ACTN4: variants seen among roughly 807,000 people sequenced by gnomAD.
ACTN4 encodes the protein alpha-actinin-4.
ACTN4 carries 18 observed loss-of-function variants against 114.2 expected under a neutral mutation model. The observed-to-expected ratio is 0.16, with a 90% CI of 0.11 to 0.23. The LOEUF is 0.23. Among genes scored for constraint, ACTN4 ranks in the 10% least tolerant of loss-of-function variants. The pLI is 1.00. For missense variants in ACTN4, 722 were observed against 1,262.9 expected (o/e 0.57, Z 6.49); for synonymous variants, 515 against 506.3 (o/e 1.02, Z -0.23).
intron 11 of ACTN4, among the ~76,000 whole-genome samples, chr19:38,719,494 A>G (rs1968962879): frequency 6.6e-6 from 1 of 152,212 alleles, no homozygotes; most frequent in African/African-American, 2.4e-5. Context: ...CTTTGCTACC[A>G]GGAAAGAGTG....
In ACTN4 at chr19:38,729,125, G is replaced by T; in HGVS notation, c.2548G>T (p.Ala850Ser). Residue 850 changes from alanine to serine, a missense_variant, in exon 20 of 21, where the codon GCT becomes TCT. Transcript: ENST00000252699. ...CACGGACACGGCTGACCAGGTCATC[G>T]CTTCCTTCAAGGTCTTAGCAGGGGA... ...TDTDTADQVI[A>S]SFKVLAGDKN... is the part of the protein sequence containing the mutation. 6.2e-7 allele frequency: 1 copy of T among 1,613,196 alleles called. No individual in the cohort carries two copies. Among genetic ancestry groups the T allele is most frequent in the East Asian group, 2.2e-5 (1 of 44,866 alleles).
At chr19:38,662,747 G>T (rs1002610016) in intron 1 of ACTN4, among the ~76,000 whole-genome samples, 8 of 152,152 alleles carry the variant, frequency 5.3e-5, no homozygotes, top group Non-Finnish European at 7.3e-5. Flanking sequence ...ATGCATTTAT[G>T]CTGAGCTGAA....
chr19:38,728,572 G>A (rs1309958922), intron 19 of ACTN4, among the ~76,000 whole-genome samples: 2 of 151,838 alleles, frequency 1.3e-5, no homozygotes, highest in East Asian at 1.9e-4. Context: ...GGGTCCCTCC[G>A]ATGACTTCCC....
At chr19:38,659,483 G>A (rs1300707092) in intron 1 of ACTN4, among the ~76,000 whole-genome samples, 2 of 152,150 alleles carry the variant, frequency 1.3e-5, no homozygotes, top group African/African-American at 4.8e-5. Flanking sequence ...GGAAGGTAAG[G>A]GGTGACACTT....
chr19:38,725,986 A>AGCTGTCT (rs1312207480), intron 17 of ACTN4, 83 bp downstream of exon 17: 2 of 1,537,002 alleles, frequency 1.3e-6, no homozygotes, highest in Non-Finnish European at 1.8e-6. Context: ...GTGAGAAGAT[A>AGCTGTCT]GCTGTCTGCT....
intron 6 of ACTN4, 45 bp downstream of exon 6, chr19:38,708,240 T>A (rs374067335): frequency 1.0e-4 from 162 of 1,600,008 alleles, no homozygotes; most frequent in Non-Finnish European, 1.3e-4. Flanking sequence ...ACGTGCCCTG[T>A]CTGACCCCCT....
chr19:38,676,836 C>G (rs983937022), intron 1 of ACTN4, among the ~76,000 whole-genome samples: 1 of 152,180 alleles, frequency 6.6e-6, no homozygotes, highest in African/African-American at 2.4e-5. Flanking sequence ...GTTCGAGCAA[C>G]AGCTCCTGGC....
At chr19:38,715,504 TA>T (rs1046122522) in intron 9 of ACTN4, among the ~76,000 whole-genome samples, 4 of 152,148 alleles carry the variant, frequency 2.6e-5, no homozygotes, top group Admixed American at 1.3e-4. Flanking sequence ...AAAATAAAAA[TA>T]AAATAAAATA....
chr19:38,731,104 C>CA lies in ACTN4; in HGVS notation c.*1673dup, dbSNP rs1491130833. 5 of 1,609,590 alleles carry CA rather than the reference C, an allele frequency of 3.1e-6. No individual in the cohort carries two copies. The African/African-American group carries it at 6.7e-5, about 22-fold the overall frequency. The stretch of plus-strand genomic sequence containing the variant: ...TGCCCCACCATGCCGGGGTGGTACT[C>CA]ACAGAAGATGCAGGTGAGGTGGGCC... On this transcript the variant is annotated 3_prime_UTR_variant, in exon 21 of 21. Transcript: ENST00000252699.
chr19:38,724,709 C>T lies in ACTN4; in HGVS notation c.2010+144C>T, dbSNP rs2145094491. 7.2e-7 allele frequency: 1 copy of T among 1,397,402 alleles called. No individual in the cohort carries two copies. Among genetic ancestry groups the T allele is most frequent in the Non-Finnish European group, 9.9e-7 (1 of 1,014,506 alleles). 86.6% of individuals were successfully genotyped at this position (1,397,402 alleles called of 1,614,324 possible). A position where few individuals can be genotyped will look rare whatever the true frequency, so the allele number is the denominator to read the frequency against. On this transcript the variant is annotated intron_variant, in intron 16 of 20. Transcript: ENST00000252699. This position sits in a 1 kb window ranked among gnomAD's most constrained non-coding sequence, Gnocchi z 7.0. ...TCTCACCACCCAGGGGCCGTGATCA[C>T]CCTGCGGGGTTAGGAGAGTCCACAG... is the stretch of plus-strand genomic sequence containing the variant.
At chr19:38,716,318 T>C (rs987082773) in intron 9 of ACTN4, among the ~76,000 whole-genome samples, 2 of 152,280 alleles carry the variant, frequency 1.3e-5, no homozygotes, top group Admixed American at 1.3e-4. Context: ...TTCTAATTTA[T>C]GTCCCAGGCC....
chr19:38,722,888 C>T (rs550854563), intron 12 of ACTN4, among the ~76,000 whole-genome samples: 2 of 152,302 alleles, frequency 1.3e-5, no homozygotes, highest in South Asian at 4.1e-4. Flanking sequence ...GGACGGTAGC[C>T]CTGAAGGAAC....
intron 1 of ACTN4, among the ~76,000 whole-genome samples, chr19:38,681,264 A>T (rs138919983): frequency 1.1e-4 from 16 of 152,096 alleles, no homozygotes; most frequent in African/African-American, 3.6e-4. Context: ...AAATGCTCCA[A>T]CGTTGGCTCT....
intron 1 of ACTN4, among the ~76,000 whole-genome samples, chr19:38,671,303 T>C (rs900820897): frequency 2.0e-5 from 3 of 152,170 alleles, no homozygotes; most frequent in Non-Finnish European, 4.4e-5. Flanking sequence ...ACCAAAATAG[T>C]GGAAAGTTTT....
At chr19:38,720,718 A>G (rs1969010634) in intron 11 of ACTN4, among the ~76,000 whole-genome samples, 1 of 152,242 alleles carries the variant, frequency 6.6e-6, no homozygotes, top group African/African-American at 2.4e-5. Context: ...ATGAAGGCAC[A>G]GGCCCAGAGA....
At chr19:38,652,398 G>A (rs532016163) in intron 1 of ACTN4, among the ~76,000 whole-genome samples, 88 of 152,236 alleles carry the variant, frequency 5.8e-4, no homozygotes, top group African/African-American at 1.9e-3. Context: ...GTGGGGTATG[G>A]GAAGATGGCC....
chr19:38,717,541 C>T lies in ACTN4; in HGVS notation c.1143+225C>T, dbSNP rs1474449608. The stretch of plus-strand genomic sequence containing the variant: ...TTTACACCCAGGGTTTTATACGCAT[C>T]CCAAATCCTTGCCACGGGTTGTGTG... On this transcript the variant is annotated intron_variant, in intron 10 of 20. Transcript: ENST00000252699. This position sits in a 1 kb window ranked among gnomAD's most constrained non-coding sequence, Gnocchi z 4.0. Among the ~76,000 whole-genome samples, 1 of 152,170 alleles carries T rather than the reference C, an allele frequency of 6.6e-6. No individual in the cohort carries two copies. Among genetic ancestry groups the T allele is most frequent in the Non-Finnish European group, 1.5e-5 (1 of 68,036 alleles).
chr19:38,684,484 G>A (rs1967678456), intron 1 of ACTN4, among the ~76,000 whole-genome samples: 1 of 152,210 alleles, frequency 6.6e-6, no homozygotes. Flanking sequence ...TTGGGGCCAG[G>A]AGTCAGATCT....
intron 1 of ACTN4, 102 bp downstream of exon 1, chr19:38,648,009 CG>C (rs984214344): frequency 2.9e-5 from 37 of 1,286,112 alleles, no homozygotes; most frequent in Admixed American, 7.6e-5. Context: ...GTGATGGGAA[CG>C]GGGGGGTCCC....
Sources: allele counts gnomAD v4.1 joint callset (sites outside exome capture counted in the v4.1 genomes callset), GRCh38; gene constraint gnomAD v4.1.1; non-coding constraint Gnocchi (gnomAD v3.1); transcripts MANE v1.5; gene names NCBI Gene and HGNC (gene_info 2026-07-23, HGNC 2026-07-21).